MYPN: variants seen among roughly 807,000 people sequenced by gnomAD.
The protein encoded by MYPN is sarcomeric protein myopalladin, 145 kDa (MYOP).
In MYPN, 63 loss-of-function variants were observed where a neutral mutation model predicts 129.4. The observed-to-expected ratio is 0.49, with a 90% confidence interval of 0.40 to 0.60. The LOEUF is 0.60. Ranked by LOEUF, MYPN falls within the 20% of genes least tolerant of loss-of-function variation. The probability of loss-of-function intolerance (pLI) is 0.00; values close to 1 mark genes in which losing one functional copy is unlikely to be tolerated. For missense variants in MYPN, 1,596 were observed against 1,635.4 expected (o/e 0.98, Z 0.42); for synonymous variants, 629 against 600.9 (o/e 1.05, Z -0.68).
chr10:68,123,340 C>G (rs1374481316), intron 2 of MYPN, among the ~76,000 whole-genome samples: 1 of 151,934 alleles, frequency 6.6e-6, no homozygotes, highest in Non-Finnish European at 1.5e-5. Flanking sequence ...GATCGCACCA[C>G]TGCACTCCAG....
chr10:68,104,081 A>G (rs1322877705), upstream of MYPN, among the ~76,000 whole-genome samples: 1 of 152,160 alleles, frequency 6.6e-6, no homozygotes, highest in Non-Finnish European at 1.5e-5. Context: ...AGATAACAAC[A>G]CTTTGCAGGG....
chr10:68,165,637 C>T (rs1391992025), intron 8 of MYPN, 65 bp from the exon 9 acceptor site: 2 of 1,143,156 alleles, frequency 1.7e-6, no homozygotes, highest in African/African-American at 1.5e-5. Flanking sequence ...CATCTGATAC[C>T]AGTAAATTCT....
intron 1 of MYPN, among the ~76,000 whole-genome samples, chr10:68,090,973 C>T (rs573594505): frequency 3.9e-5 from 6 of 152,208 alleles, no homozygotes; most frequent in East Asian, 1.9e-4. Context: ...GCAAAGTACT[C>T]GCATTAACCA....
At chr10:68,170,092 G>T (rs2220460) in intron 10 of MYPN, among the ~76,000 whole-genome samples, 35,373 of 151,976 alleles carry the variant, frequency 0.23, 4,704 homozygotes, top group African/African-American at 0.36. Context: ...CTTCTTAGAG[G>T]TTTCAACCAA....
chr10:68,195,499 G>T lies in MYPN; in HGVS notation c.3125G>T (p.Arg1042Leu). Residue 1042 changes from arginine (R) to leucine (L), a missense_variant, in exon 15 of 20, where the codon CGC becomes CTC. Coordinates refer to ENST00000358913, the MANE Select transcript of MYPN (RefSeq NM_032578.4). ...TTGATGGTACAAAGTTTGCCCATTCGCAGTCGGCTAACCTCTGCTGGTCAG... is the reference window on the plus strand; with the variant it reads ...TTGATGGTACAAAGTTTGCCCATTCTCAGTCGGCTAACCTCTGCTGGTCAG... ...GHLMVQSLPIRSRLTSAGQSH... is the reference protein window; with the variant it reads ...GHLMVQSLPILSRLTSAGQSH... 2 of 1,613,916 alleles carry T rather than the reference G, an allele frequency of 1.2e-6. No homozygotes were observed. Among genetic ancestry groups the T allele is most frequent in the Non-Finnish European group, 8.5e-7 (1 of 1,179,886 alleles).
In MYPN at chr10:68,174,256, C is replaced by T. The variant is rs749716608; in HGVS notation, c.2164C>T (p.Arg722Trp). 1.1e-5 allele frequency: 18 copies of T among 1,614,018 alleles called. No individual in the cohort carries two copies. The highest frequency in any genetic ancestry group is 1.7e-5 in the Admixed American group (1 of 59,992). Residue 722 changes from arginine (R) to tryptophan (W), a missense_variant, in exon 11 of 20, where the codon CGG (arginine) becomes TGG (tryptophan). Transcript: ENST00000358913. ...TTCATCACAGACGTTCAGCTTGGCC[C>T]GGCCGAAGTATTTCTTCCCCTCCAC... ...APSSQTFSLA[R>W]PKYFFPSTNT...
upstream of MYPN, chr10:68,106,773 T>A: frequency 1.4e-6 from 1 of 717,362 alleles, no homozygotes; most frequent in Non-Finnish European, 2.6e-6. Context: ...ACTTCCAGAT[T>A]CCTTGGCATT....
intron 16 of MYPN, among the ~76,000 whole-genome samples, chr10:68,197,995 G>T (rs1027291618): frequency 6.6e-6 from 1 of 152,154 alleles, no homozygotes; most frequent in Non-Finnish European, 1.5e-5. Flanking sequence ...TACTCGGAAC[G>T]AAACACAATT....
At chr10:68,182,449 T>C (rs71493810) in intron 12 of MYPN, among the ~76,000 whole-genome samples, 27,192 of 110,014 alleles carry the variant, frequency 0.25, 4,390 homozygotes, top group East Asian at 0.64. Flanking sequence ...AACATATATA[T>C]AACATATATA....
Position 68,174,642 on chromosome 10 carries a change from A to G in MYPN, c.2550A>G (p.Arg850=), listed in dbSNP as rs886039109. The part of the protein sequence containing the change: ...IPPTNAMGLP[R]SAPSMPSQGL... Reference sequence around the variant, plus strand: ...CCACAAATGCCATGGGGCTGCCTAGAAGTGCACCATCCATGTAAGTGTCAT... The same window carrying G: ...CCACAAATGCCATGGGGCTGCCTAGGAGTGCACCATCCATGTAAGTGTCAT... Residue 850 remains arginine (R), a synonymous_variant, in exon 11 of 20, where the codon AGA becomes AGG. Transcript: ENST00000358913. 5.0e-6 allele frequency: 8 copies of G among 1,613,976 alleles called. No homozygotes were observed. The highest frequency in any genetic ancestry group is 6.8e-6 in the Non-Finnish European group (8 of 1,179,964).
At chr10:68,164,681 G>A (rs1207734616) in intron 8 of MYPN, among the ~76,000 whole-genome samples, 1 of 152,126 alleles carries the variant, frequency 6.6e-6, no homozygotes, top group Non-Finnish European at 1.5e-5. Context: ...CTCTTTATTA[G>A]CTGTCAAGGA....
chr10:68,109,803 C>A, intron 1 of MYPN, 80 bp downstream of exon 1: 3 of 390,916 alleles, frequency 7.7e-6, no homozygotes, highest in Non-Finnish European at 1.0e-5. Context: ...TCAAAGAACT[C>A]ATTACTGTTA....
intron 1 of MYPN, among the ~76,000 whole-genome samples, chr10:68,093,574 TAAAAAA>T (rs34247732): frequency 1.9e-5 from 2 of 106,820 alleles, no homozygotes; most frequent in East Asian, 2.5e-4. Flanking sequence ...CCATCTCTAC[TAAAAAA>T]AAAAAAAAAA....
At chr10:68,094,193 C>G (rs2041944563) in intron 1 of MYPN, among the ~76,000 whole-genome samples, 1 of 152,208 alleles carries the variant, frequency 6.6e-6, no homozygotes, top group Non-Finnish European at 1.5e-5. Context: ...CCTTCTGTCT[C>G]ATCCTGTGAC....
chr10:68,105,234 C>A (rs1263653678), upstream of MYPN, among the ~76,000 whole-genome samples: 1 of 152,164 alleles, frequency 6.6e-6, no homozygotes, highest in African/African-American at 2.4e-5. Flanking sequence ...AAGTTTTAAA[C>A]TTCTTTCTAA....
At chr10:68,098,256 A>T (rs925566420) in intron 1 of MYPN, among the ~76,000 whole-genome samples, 3 of 151,866 alleles carry the variant, frequency 2.0e-5, no homozygotes, top group East Asian at 1.9e-4. Context: ...CAAAAAAAAG[A>T]TCTCAATTTT....
intron 18 of MYPN, 105 bp from the exon 19 acceptor site, chr10:68,206,665 A>T: frequency 1.3e-6 from 2 of 1,481,486 alleles, no homozygotes; most frequent in Non-Finnish European, 1.9e-6. Flanking sequence ...ATTTGTCTTG[A>T]TGTCTGCCTT....
upstream of MYPN, chr10:68,106,571 G>A: frequency 1.4e-6 from 1 of 693,818 alleles, no homozygotes. Flanking sequence ...TCTGATACTG[G>A]ATATGTCAAG....
chr10:68,146,719 C>T (rs1469700939), intron 4 of MYPN, among the ~76,000 whole-genome samples: 1 of 152,160 alleles, frequency 6.6e-6, no homozygotes, highest in Non-Finnish European at 1.5e-5. Flanking sequence ...TCTTCTTAGG[C>T]TAAAATAGAA....
Sources: allele counts gnomAD v4.1 joint callset (sites outside exome capture counted in the v4.1 genomes callset), GRCh38; gene constraint gnomAD v4.1.1; transcripts MANE v1.5; gene names NCBI Gene and HGNC (gene_info 2026-07-23, HGNC 2026-07-21).